The following PCDH15 variants were observed in gnomAD, a reference collection of about 807,000 sequenced individuals.
PCDH15 encodes protocadherin related 15.
A neutral mutation model predicts 178.5 loss-of-function variants in PCDH15; 129 were observed. That is an observed-to-expected ratio of 0.72 (90% CI 0.63 to 0.84). The LOEUF (loss-of-function observed/expected upper bound fraction) is 0.84, where lower values mean the gene tolerates loss of function less well. Among genes scored for constraint, PCDH15 ranks in the 40% least tolerant of loss-of-function variants. PCDH15 has a pLI of 0.00. For synonymous variants in PCDH15, 800 were observed against 732.0 expected (o/e 1.09, Z -1.50); for missense variants, 2,230 against 2,099.9 (o/e 1.06, Z -1.21).
At chr10:54,628,837 C>T (rs1266302492) in intron 2 of PCDH15, among the ~76,000 whole-genome samples, 1 of 152,104 alleles carries the variant, frequency 6.6e-6, no homozygotes, top group African/African-American at 2.4e-5. Context: ...ATGATGTCTG[C>T]TCTCACCAAG....
intron 2 of PCDH15, among the ~76,000 whole-genome samples, chr10:55,510,626 T>A (rs539784647): frequency 1.3e-5 from 2 of 152,040 alleles, no homozygotes; most frequent in Non-Finnish European, 2.9e-5. Flanking sequence ...ATTTAGCTTT[T>A]AAAATTTATG....
chr10:55,488,804 A>G (rs1006641762), intron 2 of PCDH15, among the ~76,000 whole-genome samples: 3 of 151,548 alleles, frequency 2.0e-5, no homozygotes, highest in Non-Finnish European at 4.4e-5. Context: ...CAATGGAGAA[A>G]TATTTGCCTC....
At chr10:55,385,368 A>G (rs1837630402) in intron 2 of PCDH15, among the ~76,000 whole-genome samples, 1 of 152,056 alleles carries the variant, frequency 6.6e-6, no homozygotes, top group Non-Finnish European at 1.5e-5. Context: ...CAGCCATTTC[A>G]GTCTAAGTGA....
rs147134633 is a variant in PCDH15 at position 54,757,589 on chromosome 10, C to T, written c.-29+43336G>A. 2.0e-5 allele frequency among the ~76,000 whole-genome samples: 3 copies of T among 152,104 alleles called. No individual in the cohort carries two copies. The East Asian group carries it at 5.8e-4, about 30-fold the overall frequency. The stretch of plus-strand genomic sequence containing the variant: ...AGCCACCGCGCCCGGCCAATTCTAC[C>T]TTCTTAAAAATTGGCTTTCCTTTAG... On this transcript the variant is annotated intron_variant, in intron 1 of 37. Transcript: ENST00000644397.
At chr10:55,051,188 A>G (rs1841151876) in intron 2 of PCDH15, among the ~76,000 whole-genome samples, 1 of 152,128 alleles carries the variant, frequency 6.6e-6, no homozygotes, top group Non-Finnish European at 1.5e-5. Context: ...TTATAATGAT[A>G]TATTAAAAAT....
At chr10:55,595,504 C>A (rs1455718187) in intron 2 of PCDH15, among the ~76,000 whole-genome samples, 1 of 152,072 alleles carries the variant, frequency 6.6e-6, no homozygotes, top group African/African-American at 2.4e-5. Flanking sequence ...CTAATTTATG[C>A]TGAATCACTG....
chr10:54,270,133 C>T (rs897598522), intron 8 of PCDH15, among the ~76,000 whole-genome samples: 9 of 152,060 alleles, frequency 5.9e-5, no homozygotes, highest in East Asian at 1.9e-4. Context: ...AATATTCCAA[C>T]GCTATAGATA....
At chr10:55,202,505 C>T (rs148264222) in intron 1 of PCDH15, among the ~76,000 whole-genome samples, 54 of 152,178 alleles carry the variant, frequency 3.5e-4, no homozygotes, top group East Asian at 1.2e-3. Flanking sequence ...GATGCTGGAG[C>T]GGAACACTGC....
chr10:53,866,490 C>T (rs1289605457), intron 27 of PCDH15, 152 bp downstream of exon 27: 2 of 519,774 alleles, frequency 3.8e-6, no homozygotes, highest in Non-Finnish European at 7.0e-6. Flanking sequence ...TTACATATTC[C>T]TAAACTATAG....
chr10:53,824,460 T>G (rs1376547277), intron 32 of PCDH15, among the ~76,000 whole-genome samples: 1 of 151,996 alleles, frequency 6.6e-6, no homozygotes, highest in African/African-American at 2.4e-5. Context: ...TATTGAAAAA[T>G]TAGGGTGATA....
intron 2 of PCDH15, among the ~76,000 whole-genome samples, chr10:54,629,054 G>A (rs1190260154): frequency 6.6e-6 from 1 of 151,888 alleles, no homozygotes; most frequent in East Asian, 1.9e-4. Flanking sequence ...CAAATTTGTT[G>A]AATTCTCAAA....
At chr10:53,863,200 A>T (rs1199579968) in intron 27 of PCDH15, among the ~76,000 whole-genome samples, 1 of 152,226 alleles carries the variant, frequency 6.6e-6, no homozygotes, top group African/African-American at 2.4e-5. Context: ...GATATTTTAA[A>T]GTTATGGGAC....
intron 2 of PCDH15, among the ~76,000 whole-genome samples, chr10:55,389,904 A>C (rs991114755): frequency 6.6e-6 from 1 of 152,156 alleles, no homozygotes; most frequent in African/African-American, 2.4e-5. Flanking sequence ...TAAATTATAA[A>C]TCTTGTTTCA....
intron 2 of PCDH15, among the ~76,000 whole-genome samples, chr10:54,535,217 T>G (rs1345227172): frequency 6.6e-6 from 1 of 152,214 alleles, no homozygotes; most frequent in East Asian, 1.9e-4. Context: ...TCTAGTAATA[T>G]CCACCAAATT....
intron 2 of PCDH15, among the ~76,000 whole-genome samples, chr10:55,022,539 T>C (rs913782195): frequency 1.2e-4 from 18 of 151,868 alleles, no homozygotes; most frequent in African/African-American, 4.1e-4. Flanking sequence ...GTTAATTAGC[T>C]AGATTTAACC....
chr10:54,283,504 A>T (rs1319350909), intron 8 of PCDH15, among the ~76,000 whole-genome samples: 1 of 152,156 alleles, frequency 6.6e-6, no homozygotes, highest in Non-Finnish European at 1.5e-5. Flanking sequence ...CTGAGATTTT[A>T]AAACTATTCT....
chr10:55,297,191 G>A (rs1346496306), intron 1 of PCDH15, among the ~76,000 whole-genome samples: 4 of 151,614 alleles, frequency 2.6e-5, no homozygotes, highest in Non-Finnish European at 4.4e-5. Flanking sequence ...ATACCCTAAA[G>A]AAAGAAAAAA....
chr10:54,910,377 C>T lies in PCDH15; in HGVS notation c.-79-12877G>A, dbSNP rs559124330. 3.9e-5 allele frequency among the ~76,000 whole-genome samples: 6 copies of T among 152,310 alleles called. No homozygotes were observed. In the South Asian group the frequency reaches 1.0e-3, roughly 26 times the overall value. On this transcript the variant is annotated intron_variant, in intron 2 of 5. Transcript: ENST00000458638. ...TGAAGGTAAAGATAAACCGGAATTA[C>T]AAGCATATTTTTTTCCTTATATTTG...
chr10:55,183,524 G>A (rs1368800291), intron 1 of PCDH15, among the ~76,000 whole-genome samples: 1 of 151,784 alleles, frequency 6.6e-6, no homozygotes, highest in Admixed American at 6.6e-5. Context: ...TTGAGCCCAG[G>A]AGTTCAAGAC....
Sources: gnomAD v4.1 joint callset for allele counts (sites outside exome capture counted in the v4.1 genomes callset) on GRCh38, gnomAD v4.1.1 for gene constraint, MANE v1.5 for transcripts, NCBI Gene and HGNC (gene_info 2026-07-23, HGNC 2026-07-21) for gene names.